BANP: variants seen among roughly 807,000 people sequenced by gnomAD.
BANP encodes the protein protein BANP.
A neutral mutation model predicts 68.1 loss-of-function variants in BANP; 11 were observed. The observed-to-expected ratio is 0.16, with a 90% CI of 0.10 to 0.27. BANP has a LOEUF of 0.27. Among genes scored for constraint, BANP ranks in the 10% least tolerant of loss-of-function variants. The pLI, the probability that BANP is intolerant of heterozygous loss-of-function variation, is 1.00. For missense variants in BANP, 504 were observed against 722.7 expected (o/e 0.70, Z 3.47); for synonymous variants, 329 against 303.2 (o/e 1.09, Z -0.88).
chr16:87,973,846 C>G (rs2061569329), intron 1 of BANP, among the ~76,000 whole-genome samples: 1 of 151,486 alleles, frequency 6.6e-6, no homozygotes, highest in Non-Finnish European at 1.5e-5. Flanking sequence ...AGAGGAGGAA[C>G]TGCATTATTT....
At chr16:88,068,596 G>A (rs1391565396) in intron 12 of BANP, among the ~76,000 whole-genome samples, 1 of 152,154 alleles carries the variant, frequency 6.6e-6, no homozygotes, top group Non-Finnish European at 1.5e-5. Context: ...TCACAGAAGA[G>A]CCCACTGGTG....
chr16:88,037,824 T>C, intron 10 of BANP, 149 bp from the exon 11 acceptor site: 1 of 695,826 alleles, frequency 1.4e-6, no homozygotes, highest in Non-Finnish European at 2.6e-6. Flanking sequence ...TTTGGGGCTT[T>C]TGTTGCTACT....
chr16:87,964,564 C>T (rs772491023), intron 1 of BANP, among the ~76,000 whole-genome samples: 1 of 151,354 alleles, frequency 6.6e-6, no homozygotes, highest in Non-Finnish European at 1.5e-5. Context: ...GAGGAGAGCC[C>T]CAGGGGCTGC....
chr16:88,060,645 TTCTGTGGGGAGCGAGAGGCTCTTC>T (rs1348182849), intron 11 of BANP, among the ~76,000 whole-genome samples: 1 of 152,124 alleles, frequency 6.6e-6, no homozygotes, highest in African/African-American at 2.4e-5. Context: ...GGTGGCCTCT[TTCTGTGGGGAGCGAGAGGCTCTTC>T]TCACCGTCAG....
chr16:88,070,045 G>A (rs918136641), intron 12 of BANP, among the ~76,000 whole-genome samples: 7 of 152,054 alleles, frequency 4.6e-5, no homozygotes, highest in Admixed American at 2.0e-4. Flanking sequence ...ATCCACTTCC[G>A]CTTCATGAAT....
At chr16:87,981,353 G>C (rs1166126126) in intron 3 of BANP, among the ~76,000 whole-genome samples, 2 of 152,212 alleles carry the variant, frequency 1.3e-5, no homozygotes, top group East Asian at 1.9e-4. Context: ...GCCTCAGCTT[G>C]TGGGGCTCCT....
At chr16:88,027,782 G>A (rs565643954) in intron 8 of BANP, 132 bp downstream of exon 8, 112 of 1,093,100 alleles carry the variant, frequency 1.0e-4, no homozygotes, top group Non-Finnish European at 1.3e-4. Context: ...AGGCTTGCGC[G>A]GTGCGCACGG....
In BANP at chr16:88,071,996, G is replaced by A. The variant is rs1334393489; in HGVS notation, c.1378-73G>A. On this transcript the variant is annotated intron_variant, in intron 12 of 13. Transcript: ENST00000682872. The surrounding 1 kb of genome is among the most constrained non-coding windows in gnomAD (Gnocchi z 6.5). The stretch of plus-strand genomic sequence containing the variant: ...ACGTGTGGGCTGGGGTCTGCGGTCT[G>A]TGGAGCCATGTGGGTTGTGGGTTGT... The A allele has an allele frequency of 2.0e-6, 3 of 1,531,412 alleles. No individual in the cohort carries two copies. Among genetic ancestry groups the A allele is most frequent in the East Asian group, 4.9e-5 (2 of 40,842 alleles). The allele number at this position is 1,531,412 out of a possible 1,614,324, so 94.9% of individuals were successfully genotyped here. A position where few individuals can be genotyped will look rare whatever the true frequency, so the allele number is the denominator to read the frequency against.
chr16:88,046,540 A>T (rs1443794198), intron 11 of BANP, among the ~76,000 whole-genome samples: 1 of 152,046 alleles, frequency 6.6e-6, no homozygotes, highest in Admixed American at 6.6e-5. Context: ...TTTTTTAAAA[A>T]TGTTTTTAAT....
intron 12 of BANP, among the ~76,000 whole-genome samples, chr16:88,066,579 C>T (rs1262971553): frequency 2.0e-5 from 3 of 152,200 alleles, no homozygotes; most frequent in African/African-American, 7.2e-5. Flanking sequence ...TTCAGCTGAG[C>T]TGTGTTGTTC....
At chr16:87,967,599 GCATGCCCCACCA>G (rs1326859650) in intron 1 of BANP, among the ~76,000 whole-genome samples, 1 of 149,392 alleles carries the variant, frequency 6.7e-6, no homozygotes, top group African/African-American at 2.5e-5. Flanking sequence ...GGGATTACAG[GCATGCCCCACCA>G]CACCCAGTTA....
intron 1 of BANP, among the ~76,000 whole-genome samples, chr16:87,969,320 A>G (rs986116573): frequency 6.6e-6 from 1 of 152,120 alleles, no homozygotes; most frequent in Admixed American, 6.6e-5. Flanking sequence ...TGTGTGGGGC[A>G]TGGCCAGGTT....
chr16:87,970,544 T>C (rs896887736), intron 1 of BANP, among the ~76,000 whole-genome samples: 1 of 152,252 alleles, frequency 6.6e-6, no homozygotes, highest in East Asian at 1.9e-4. Context: ...GAATAAATGC[T>C]TGATTTTTTC....
At chr16:87,999,339 T>C (rs888339391) in intron 4 of BANP, among the ~76,000 whole-genome samples, 3 of 147,140 alleles carry the variant, frequency 2.0e-5, no homozygotes, top group African/African-American at 7.5e-5. Flanking sequence ...TGCACGCACA[T>C]GCGCGGCTGT....
chr16:88,065,152 C>G (rs2088158121), intron 11 of BANP, 115 bp from the exon 12 acceptor site: 5 of 589,318 alleles, frequency 8.5e-6, no homozygotes, highest in Non-Finnish European at 1.5e-5. Flanking sequence ...GACCACAGAC[C>G]CCGTGGCTTT....
chr16:88,049,050 CGTG>C (rs2082659984), intron 11 of BANP, among the ~76,000 whole-genome samples: 2 of 152,178 alleles, frequency 1.3e-5, no homozygotes, highest in South Asian at 2.1e-4. Flanking sequence ...TGGGACCAAA[CGTG>C]GGGTTTTTTC....
At chr16:88,015,429 G>A (rs1427721029) in intron 6 of BANP, among the ~76,000 whole-genome samples, 2 of 152,198 alleles carry the variant, frequency 1.3e-5, no homozygotes, top group South Asian at 2.1e-4. Context: ...GGCCCTGCTT[G>A]GTTCTCCACC....
intron 7 of BANP, among the ~76,000 whole-genome samples, chr16:88,020,264 G>T (rs910013769): frequency 6.6e-6 from 1 of 152,226 alleles, no homozygotes; most frequent in Non-Finnish European, 1.5e-5. Context: ...AGGAGTCAGC[G>T]CATGGTCGTG....
chr16:87,960,590 AC>A (rs1191708256), intron 1 of BANP, among the ~76,000 whole-genome samples: 1 of 152,198 alleles, frequency 6.6e-6, no homozygotes. Context: ...TGCTAACAAG[AC>A]GCATGACAGC....
Sources: gnomAD v4.1 joint callset for allele counts (sites outside exome capture counted in the v4.1 genomes callset) on GRCh38, gnomAD v4.1.1 for gene constraint, Gnocchi (gnomAD v3.1) non-coding constraint, MANE v1.5 for transcripts, NCBI Gene and HGNC (gene_info 2026-07-23, HGNC 2026-07-21) for gene names.